Variants in ELOC observed in about 807,000 individuals in gnomAD.
ELOC encodes the protein elongin C.
For missense variants in ELOC, 38 were observed against 139.0 expected, an observed-to-expected ratio of 0.27 and a Z score of 3.65; for synonymous variants, 40 against 51.3, an observed-to-expected ratio of 0.78 and a Z score of 0.94.
chr8:73,961,055 T>C (rs1293346230), intron 1 of ELOC, among the ~76,000 whole-genome samples: 1 of 152,218 alleles, frequency 6.6e-6, no homozygotes, highest in Non-Finnish European at 1.5e-5. Context: ...AGGCTAAGTT[T>C]TGAAATTTAA....
intron 2 of ELOC, among the ~76,000 whole-genome samples, chr8:73,957,883 G>C (rs1586606099): frequency 6.6e-6 from 1 of 152,018 alleles, no homozygotes; most frequent in Middle Eastern, 3.4e-3. Flanking sequence ...GGTTCAAGAG[G>C]TTCTCCTGCC....
chr8:73,952,165 A>C (rs2131085806), intron 3 of ELOC, among the ~76,000 whole-genome samples: 1 of 152,252 alleles, frequency 6.6e-6, no homozygotes, highest in East Asian at 1.9e-4. Flanking sequence ...AAACTTTAGG[A>C]GGCCAAGGTC....
At chr8:73,958,943 T>G (rs1814398750) in intron 2 of ELOC, among the ~76,000 whole-genome samples, 1 of 152,228 alleles carries the variant, frequency 6.6e-6, no homozygotes. Flanking sequence ...TGGTGTAACC[T>G]ACTGCTCCTA....
chr8:73,970,537 C>T (rs1380688428), intron 1 of ELOC: 3 of 152,146 alleles, frequency 2.0e-5, no homozygotes, highest in Non-Finnish European at 4.4e-5. Context: ...GACCCCAAAT[C>T]ATCATTGGCA....
intron 1 of ELOC, among the ~76,000 whole-genome samples, chr8:73,963,322 T>C (rs1239143727): frequency 6.6e-6 from 1 of 152,230 alleles, no homozygotes; most frequent in African/African-American, 2.4e-5. Flanking sequence ...TCTATATTGC[T>C]ACATGAAATT....
rs568870648 is a variant in ELOC at position 73,963,151 on chromosome 8, A to G, written c.-50-3333T>C. On this transcript the variant is annotated intron_variant, in intron 1 of 3. Coordinates refer to ENST00000520242, the MANE Select transcript of ELOC (RefSeq NM_005648.4). ...TGTTACATATAAATATTAATCTCTTAAAGTTTTTTTGTGTATGTTTGTGTT... is the reference window on the plus strand; with the variant it reads ...TGTTACATATAAATATTAATCTCTTGAAGTTTTTTTGTGTATGTTTGTGTT... Among the ~76,000 whole-genome samples, 83 of 152,304 alleles carry G rather than the reference A, an allele frequency of 5.4e-4. 1 individual carries two copies. The South Asian group carries it at 0.015, about 27-fold the overall frequency.
chr8:73,969,732 T>G (rs1372568348), intron 1 of ELOC: 1 of 152,216 alleles, frequency 6.6e-6, no homozygotes, highest in African/African-American at 2.4e-5. Context: ...CTATATTTTT[T>G]TCACATTTAT....
At position 73,972,148 on chromosome 8, in the gene ELOC, C is replaced by T. The variant is rs192421176; in HGVS notation, c.-122G>A. ...AGCCCCTATCCCAGGGCCGCCCCCC[C>T]ACCCCCAGCTGCCTGCTCCGGTGGG... On this transcript the variant is annotated 5_prime_UTR_variant, in exon 1 of 4. Transcript: ENST00000520242. The T allele has an allele frequency of 2.0e-5, 3 of 152,492 alleles. No individual in the cohort carries two copies. Among genetic ancestry groups the T allele is most frequent in the South Asian group, 2.1e-4 (1 of 4,844 alleles). 9.4% of individuals were successfully genotyped at this position (152,492 alleles called of 1,614,324 possible).
intron 3 of ELOC, among the ~76,000 whole-genome samples, chr8:73,949,688 C>A: frequency 6.6e-6 from 1 of 152,176 alleles, no homozygotes; most frequent in Admixed American, 6.6e-5. Flanking sequence ...TTTTACTTAG[C>A]ATGCTGTCGA....
rs1052677181 is a variant in ELOC at position 73,971,221 on chromosome 8, CAT to C, written c.-51+854_-51+855del. 9.2e-5 allele frequency among the ~76,000 whole-genome samples: 14 copies of C among 152,124 alleles called. No homozygotes were observed. In the East Asian group the frequency reaches 2.5e-3, roughly 27 times the overall value. On this transcript the variant is annotated intron_variant, in intron 1 of 3. Coordinates refer to ENST00000520242, the MANE Select transcript of ELOC (RefSeq NM_005648.4). ...AGGAGTTCCAGACCAGCCTGGCCAA[CAT>C]GTCGAAACCCCGTCTCTACTAATAA... is the stretch of plus-strand genomic sequence containing the variant.
chr8:73,964,524 A>G (rs996292203), intron 1 of ELOC: 3 of 152,154 alleles, frequency 2.0e-5, no homozygotes, highest in Non-Finnish European at 4.4e-5. Context: ...AGCCAGGTGC[A>G]GTGGCTCACA....
intron 3 of ELOC, 175 bp downstream of exon 3, chr8:73,955,736 G>C: frequency 1.3e-6 from 1 of 768,026 alleles, no homozygotes; most frequent in African/African-American, 1.8e-5. Context: ...TTGCACTCCA[G>C]CCTGGGCAAC....
intron 2 of ELOC, among the ~76,000 whole-genome samples, chr8:73,956,946 C>T (rs547783836): frequency 6.6e-6 from 1 of 152,062 alleles, no homozygotes; most frequent in Non-Finnish European, 1.5e-5. Flanking sequence ...TCGAGACCAT[C>T]CTGGCTAACA....
chr8:73,969,860 T>G (rs1312832489), intron 1 of ELOC, among the ~76,000 whole-genome samples: 1 of 152,180 alleles, frequency 6.6e-6, no homozygotes, highest in Non-Finnish European at 1.5e-5. Context: ...ATTTCTTGAG[T>G]GAATGTACTA....
intron 3 of ELOC, among the ~76,000 whole-genome samples, chr8:73,953,680 A>C (rs138436265): frequency 0.011 from 1,645 of 152,218 alleles, 30 homozygotes; most frequent in Non-Finnish European, 0.012. Flanking sequence ...AAACCAAAAA[A>C]CAAAAAACAA....
intron 3 of ELOC, among the ~76,000 whole-genome samples, chr8:73,953,311 A>C (rs891853123): frequency 2.0e-5 from 3 of 151,902 alleles, no homozygotes; most frequent in Admixed American, 1.3e-4. Flanking sequence ...CTCAAAAAAC[A>C]ACCACCATCA....
chr8:73,968,113 A>G (rs1815112526), intron 1 of ELOC, among the ~76,000 whole-genome samples: 1 of 152,224 alleles, frequency 6.6e-6, no homozygotes, highest in Non-Finnish European at 1.5e-5. Flanking sequence ...GCTACCTTAT[A>G]TAGACCCGAA....
chr8:73,946,775 A>T lies in ELOC; in HGVS notation c.194T>A (p.Ile65Lys). ...TACTTTCGATAGCACATGTGAAGGT[A>T]TCTCTCTAAAATTGACCTCATTGGT... ...NETNEVNFRE[I>K]PSHVLSKVCM... The change falls in exon 4 of 4, where the codon ATA becomes AAA. Residue 65 changes from isoleucine to lysine, a missense_variant. Coordinates refer to ENST00000520242, the MANE Select transcript of ELOC (RefSeq NM_005648.4). 6.2e-7 allele frequency: 1 copy of T among 1,613,998 alleles called. No homozygotes were observed. The highest frequency in any genetic ancestry group is 8.5e-7 in the Non-Finnish European group (1 of 1,179,922).
chr8:73,950,225 C>CAA (rs887946017), intron 3 of ELOC, among the ~76,000 whole-genome samples: 1 of 152,168 alleles, frequency 6.6e-6, no homozygotes, highest in Non-Finnish European at 1.5e-5. Context: ...GAAGCTAACA[C>CAA]AATGTGGCTC....
Sources: gnomAD v4.1 joint callset for allele counts (sites outside exome capture counted in the v4.1 genomes callset) on GRCh38, gnomAD v4.1.1 for gene constraint, MANE v1.5 for transcripts, NCBI Gene and HGNC (gene_info 2026-07-23, HGNC 2026-07-21) for gene names.